The following BDP1 variants were observed in gnomAD, a reference collection of about 807,000 sequenced individuals.
BDP1 encodes the protein BDP1 general transcription factor IIIB subunit, also known as transcription factor TFIIIB component B'' homolog.
In BDP1, 169 loss-of-function variants were observed where a neutral mutation model predicts 266.6. That is an observed-to-expected ratio of 0.63 (90% CI 0.56 to 0.72). The LOEUF (loss-of-function observed/expected upper bound fraction) is 0.72, where lower values mean the gene tolerates loss of function less well. Among genes scored for constraint, BDP1 ranks in the 30% least tolerant of loss-of-function variants. BDP1 has a pLI of 0.00. For missense variants in BDP1, 3,015 were observed against 3,053.8 expected (o/e 0.99, Z 0.30); for synonymous variants, 1,090 against 1,022.4 (o/e 1.07, Z -1.26).
At chr5:71,516,396 G>T in intron 21 of BDP1, 125 bp downstream of exon 21, 3 of 673,328 alleles carry the variant, frequency 4.5e-6, no homozygotes, top group East Asian at 6.0e-5. Context: ...ACAGTTTCCA[G>T]TTTTGTTTCA....
At chr5:71,495,475 T>G (rs991588027) in intron 12 of BDP1, 67 bp downstream of exon 12, 7 of 1,122,372 alleles carry the variant, frequency 6.2e-6, no homozygotes, top group Non-Finnish European at 8.7e-6. Flanking sequence ...ATAATAATGT[T>G]GCTTCATTTA....
At chr5:71,576,447 A>G in the BDP1 span, among the ~76,000 whole-genome samples, 1 of 152,318 alleles carries the variant, frequency 6.6e-6, no homozygotes, top group African/African-American at 2.4e-5. Context: ...TTGAGTCACT[A>G]TGGGAAAATC....
intron 6 of BDP1, among the ~76,000 whole-genome samples, chr5:71,468,309 G>A (rs762541923): frequency 8.6e-5 from 13 of 151,910 alleles, no homozygotes; most frequent in South Asian, 4.2e-4. Context: ...ATGAGCCACC[G>A]CACCTGGCCT....
At chr5:71,505,506 C>T (rs1764529410) in intron 16 of BDP1, among the ~76,000 whole-genome samples, 1 of 152,088 alleles carries the variant, frequency 6.6e-6, no homozygotes, top group Non-Finnish European at 1.5e-5. Context: ...TTTATTTCTT[C>T]CTTGGAGGGT....
rs1326017422 is a variant in BDP1 at position 71,566,994 on chromosome 5, C to G, written c.*2109C>G. ...TGTTAGAGCACTTCTTATTCATTGT[C>G]TTTTAGTGAAATTTATGGCGTAACA... On this transcript the variant is annotated 3_prime_UTR_variant, in exon 39 of 39. Transcript: ENST00000358731. The G allele has an allele frequency of 6.6e-6, 1 of 152,068 alleles. No homozygotes were observed. The highest frequency in any genetic ancestry group is 2.4e-5 in the African/African-American group (1 of 41,408). The allele number at this position is 152,068 out of a possible 1,614,324, so 9.4% of individuals were successfully genotyped here.
At chr5:71,552,285 C>T (rs1580207337) in intron 34 of BDP1, among the ~76,000 whole-genome samples, 1 of 151,782 alleles carries the variant, frequency 6.6e-6, no homozygotes, top group Admixed American at 6.6e-5. Context: ...AGACGCTCCT[C>T]ACTTCCTAGA....
chr5:71,558,647 G>A (rs1743399592), intron 36 of BDP1, among the ~76,000 whole-genome samples: 2 of 151,978 alleles, frequency 1.3e-5, no homozygotes, highest in African/African-American at 4.8e-5. Context: ...CCAACATGGC[G>A]AAGCCTCATC....
Position 71,522,492 on chromosome 5 carries a change from TA to T in BDP1, c.5193+4del, listed in dbSNP as rs1231823671. On this transcript the variant is annotated splice_donor_region_variant and intron_variant, in intron 23 of 38. Coordinates refer to ENST00000358731, the MANE Select transcript of BDP1 (RefSeq NM_018429.3). ...TCCAACACCCAGCTCCTTCTAAAAG[TA>T]AGTTTGGGCAAAAAAAAAAAAAAAA... 1 of 1,554,898 alleles carries T rather than the reference TA, an allele frequency of 6.4e-7. No homozygotes were observed. Among genetic ancestry groups the T allele is most frequent in the Non-Finnish European group, 8.6e-7 (1 of 1,160,302 alleles).
chr5:71,483,517 A>AT (rs1763082955), intron 7 of BDP1, among the ~76,000 whole-genome samples: 1 of 152,188 alleles, frequency 6.6e-6, no homozygotes, highest in Non-Finnish European at 1.5e-5. Context: ...CGAATACTTA[A>AT]TTTTTTAAAA....
At position 71,512,229 on chromosome 5, in the gene BDP1, CTG is replaced by C. The variant is rs750626314; in HGVS notation, c.4060-10_4060-9del. On this transcript the variant is annotated splice_polypyrimidine_tract_variant and intron_variant, in intron 17 of 38. Transcript: ENST00000358731. ...TTTTATTTGTGCTGATTTACTATGACTGTTCCTCTAGAACATTAGCAGTGAAG... is the reference window on the plus strand; with the variant it reads ...TTTTATTTGTGCTGATTTACTATGACTTCCTCTAGAACATTAGCAGTGAAG... 7 of 1,372,612 alleles carry C rather than the reference CTG, an allele frequency of 5.1e-6. No homozygotes were observed. The Admixed American group carries it at 1.9e-4, about 37-fold the overall frequency. 85.0% of individuals were successfully genotyped at this position (1,372,612 alleles called of 1,614,324 possible).
At chr5:71,513,063 C>CAAAAAA (rs34252624) in intron 18 of BDP1, 122 bp from the exon 19 acceptor site, 2 of 416,748 alleles carry the variant, frequency 4.8e-6, no homozygotes, top group East Asian at 4.0e-5. Flanking sequence ...ACCCTGTCTC[C>CAAAAAA]AAAAAAAAAA....
intron 24 of BDP1, among the ~76,000 whole-genome samples, chr5:71,523,278 T>A (rs2150508995): frequency 6.6e-6 from 1 of 152,328 alleles, no homozygotes; most frequent in East Asian, 1.9e-4. Flanking sequence ...GATAAACTAA[T>A]ACCACATTTG....
chr5:71,508,471 AT>A (rs113929106), intron 16 of BDP1, among the ~76,000 whole-genome samples: 18 of 144,396 alleles, frequency 1.2e-4, no homozygotes, highest in African/African-American at 1.5e-4. Flanking sequence ...CACTTGACTA[AT>A]TTTTTTTTTT....
At chr5:71,552,421 G>A (rs1312429028) in intron 34 of BDP1, among the ~76,000 whole-genome samples, 2 of 152,272 alleles carry the variant, frequency 1.3e-5, no homozygotes, top group African/African-American at 4.8e-5. Flanking sequence ...GACGATGGGC[G>A]GCCAGGCAGA....
intron 30 of BDP1, 25 bp from the exon 31 acceptor site, chr5:71,544,332 A>G (rs751982463): frequency 5.6e-6 from 9 of 1,601,452 alleles, no homozygotes; most frequent in Non-Finnish European, 7.7e-6. Context: ...TTTGGTCTAT[A>G]TCGTAAGTGT....
At chr5:71,497,489 TAAA>T in intron 13 of BDP1, 63 bp downstream of exon 13, 3 of 1,326,524 alleles carry the variant, frequency 2.3e-6, no homozygotes, top group Non-Finnish European at 3.1e-6. Flanking sequence ...TAGTTGGGAA[TAAA>T]AGTTGTTGAC....
At chr5:71,490,187 T>A (rs985974862) in intron 10 of BDP1, among the ~76,000 whole-genome samples, 4 of 152,194 alleles carry the variant, frequency 2.6e-5, no homozygotes, top group African/African-American at 4.8e-5. Context: ...TCTTGGTCCC[T>A]TTCCTTAAGA....
intron 36 of BDP1, among the ~76,000 whole-genome samples, chr5:71,557,375 ATTTTTTTTTTTTTTT>A (rs55810132): frequency 1.9e-5 from 2 of 103,352 alleles, no homozygotes; most frequent in East Asian, 2.5e-4. Flanking sequence ...TGCCAAGCTA[ATTTTTTTTTTTTTTT>A]TTTTTTTTTT....
chr5:71,513,671 A>T (rs895167332), intron 19 of BDP1, among the ~76,000 whole-genome samples: 1 of 152,086 alleles, frequency 6.6e-6, no homozygotes, highest in African/African-American at 2.4e-5. Context: ...GTGACCATTG[A>T]TTAAACAATT....
Sources: gnomAD v4.1 joint callset for allele counts (sites outside exome capture counted in the v4.1 genomes callset) on GRCh38, gnomAD v4.1.1 for gene constraint, MANE v1.5 for transcripts, NCBI Gene and HGNC (gene_info 2026-07-23, HGNC 2026-07-21) for gene names.